Variants in FARS2 observed in about 807,000 individuals in gnomAD.
FARS2 encodes the protein phenylalanine--tRNA ligase, mitochondrial.
FARS2 carries 40 observed loss-of-function variants against 46.4 expected under a neutral mutation model. The observed-to-expected ratio is 0.86, with a 90% CI of 0.67 to 1.12. FARS2 has a LOEUF of 1.12. Ranked by LOEUF, FARS2 falls within the 50% of genes most tolerant of loss-of-function variation. The probability of loss-of-function intolerance (pLI) is 0.00; values close to 1 mark genes in which losing one functional copy is unlikely to be tolerated. For synonymous variants in FARS2, 234 were observed against 214.9 expected (o/e 1.09, Z -0.78); for missense variants, 513 against 567.9 (o/e 0.90, Z 0.98).
intron 1 of FARS2, among the ~76,000 whole-genome samples, chr6:5,288,271 ACTTCTT>A (rs35452806): frequency 2.0e-5 from 3 of 152,030 alleles, no homozygotes; most frequent in African/African-American, 4.8e-5. Context: ...GCTTGAAGTG[ACTTCTT>A]CTTCTTCTTC....
At chr6:5,638,719 A>C (rs956549948) in intron 6 of FARS2, among the ~76,000 whole-genome samples, 44 of 152,332 alleles carry the variant, frequency 2.9e-4, no homozygotes, top group Non-Finnish European at 4.9e-4. Flanking sequence ...GGGTCTGGGC[A>C]CTTGACGGGG....
chr6:5,635,213 G>A (rs941278133), intron 6 of FARS2, among the ~76,000 whole-genome samples: 1 of 152,180 alleles, frequency 6.6e-6, no homozygotes, highest in Non-Finnish European at 1.5e-5. Flanking sequence ...TCCTAATGGT[G>A]AGTTTCCTCT....
chr6:5,307,057 A>T (rs1768759915), intron 1 of FARS2, among the ~76,000 whole-genome samples: 1 of 152,218 alleles, frequency 6.6e-6, no homozygotes, highest in Non-Finnish European at 1.5e-5. Flanking sequence ...ATTTTTATGT[A>T]GTTGTAATCT....
chr6:5,559,665 A>G (rs1210900054), intron 5 of FARS2, among the ~76,000 whole-genome samples: 1 of 151,624 alleles, frequency 6.6e-6, no homozygotes, highest in Non-Finnish European at 1.5e-5. Flanking sequence ...AGCAAATTCT[A>G]AAATGTATAT....
chr6:5,292,617 G>T (rs895088835), intron 1 of FARS2, among the ~76,000 whole-genome samples: 3 of 152,140 alleles, frequency 2.0e-5, no homozygotes, highest in Admixed American at 2.0e-4. Context: ...TGCAGAAGGT[G>T]GTATTAGATT....
At chr6:5,352,823 A>C (rs1297167639) in intron 1 of FARS2, among the ~76,000 whole-genome samples, 1 of 152,210 alleles carries the variant, frequency 6.6e-6, no homozygotes, top group South Asian at 2.1e-4. Flanking sequence ...TACGGGGTAC[A>C]GTGAGATGCC....
chr6:5,387,631 C>G (rs1207332623), intron 2 of FARS2, among the ~76,000 whole-genome samples: 1 of 152,188 alleles, frequency 6.6e-6, no homozygotes, highest in Non-Finnish European at 1.5e-5. Context: ...CTTATAGAGG[C>G]AGTCTACATT....
chr6:5,436,857 T>C (rs112067072), intron 4 of FARS2, among the ~76,000 whole-genome samples: 1 of 152,360 alleles, frequency 6.6e-6, no homozygotes, highest in African/African-American at 2.4e-5. Context: ...CAGACCATAC[T>C]TTGAAAACCC....
intron 6 of FARS2, among the ~76,000 whole-genome samples, chr6:5,620,264 G>A (rs927974130): frequency 6.6e-6 from 1 of 152,008 alleles, no homozygotes. Context: ...GTGCCCCCTT[G>A]GTAGGCAAAA....
At chr6:5,685,910 T>C (rs1271670335) in intron 6 of FARS2, among the ~76,000 whole-genome samples, 1 of 152,244 alleles carries the variant, frequency 6.6e-6, no homozygotes. Flanking sequence ...TTTTAAATGA[T>C]GTTATTTAGA....
chr6:5,520,103 T>A lies in FARS2; in HGVS notation c.905-25077T>A, dbSNP rs183804507. ...ATAGTACCCTCTCTTGGCCTGGAAC[T>A]AAGGAGGAACCTGCCGCACCCTAGG... On this transcript the variant is annotated intron_variant, in intron 4 of 6. Coordinates refer to ENST00000274680, the MANE Select transcript of FARS2 (RefSeq NM_006567.5). 9.3e-4 allele frequency among the ~76,000 whole-genome samples: 142 copies of A among 152,248 alleles called. 1 individual carries two copies. The highest frequency in any genetic ancestry group is 3.3e-3 in the African/African-American group (136 of 41,548).
At chr6:5,545,368 A>T in intron 5 of FARS2, 28 bp downstream of exon 5, 1 of 1,568,472 alleles carries the variant, frequency 6.4e-7, no homozygotes, top group South Asian at 1.2e-5. Flanking sequence ...AACTGAATAG[A>T]TAATAATAAA....
intron 6 of FARS2, among the ~76,000 whole-genome samples, chr6:5,736,078 C>G (rs1207543036): frequency 6.6e-6 from 1 of 152,190 alleles, no homozygotes; most frequent in Non-Finnish European, 1.5e-5. Context: ...GCTGATGCTG[C>G]AGGGATCTGA....
chr6:5,296,384 G>A (rs940406298), intron 1 of FARS2, among the ~76,000 whole-genome samples: 78 of 152,010 alleles, frequency 5.1e-4, no homozygotes, highest in African/African-American at 1.4e-3. Flanking sequence ...CTCGTGATCC[G>A]CCCGCCTTGG....
intron 1 of FARS2, among the ~76,000 whole-genome samples, chr6:5,293,114 C>T (rs1030907287): frequency 2.6e-5 from 4 of 152,194 alleles, no homozygotes; most frequent in African/African-American, 9.7e-5. Context: ...AGTGGTAGAG[C>T]AGAATCCAGA....
At chr6:5,669,401 C>A (rs943340124) in intron 6 of FARS2, among the ~76,000 whole-genome samples, 3 of 149,546 alleles carry the variant, frequency 2.0e-5, no homozygotes, top group Non-Finnish European at 3.0e-5. Context: ...CCTATAAAAC[C>A]TTTTGTGGGA....
intron 4 of FARS2, among the ~76,000 whole-genome samples, chr6:5,449,355 A>AAG (rs1452692041): frequency 2.0e-5 from 3 of 150,692 alleles, no homozygotes; most frequent in African/African-American, 7.3e-5. Context: ...TCCATCTCAA[A>AAG]AAAAAAAAAA....
chr6:5,541,186 A>G (rs1770608876), intron 4 of FARS2, among the ~76,000 whole-genome samples: 1 of 152,194 alleles, frequency 6.6e-6, no homozygotes, highest in African/African-American at 2.4e-5. Flanking sequence ...TGGTGCTCAG[A>G]ATGGTGCTGA....
chr6:5,316,214 T>C (rs1011555083), intron 1 of FARS2, among the ~76,000 whole-genome samples: 2 of 152,236 alleles, frequency 1.3e-5, no homozygotes, highest in Admixed American at 1.3e-4. Context: ...GATTAGCAGT[T>C]TCTCTAAATG....
Sources: gnomAD v4.1 joint callset for allele counts (sites outside exome capture counted in the v4.1 genomes callset) on GRCh38, gnomAD v4.1.1 for gene constraint, MANE v1.5 for transcripts, NCBI Gene and HGNC (gene_info 2026-07-23, HGNC 2026-07-21) for gene names.